The following MIER3 variants were observed in gnomAD, a reference collection of about 807,000 sequenced individuals.
MIER3 encodes the protein mesoderm induction early response protein 3.
MIER3 carries 9 observed loss-of-function variants against 63.2 expected under a neutral mutation model. The ratio of observed to expected loss-of-function variants is 0.14; its 90% CI spans 0.09 to 0.25. The LOEUF (loss-of-function observed/expected upper bound fraction) is 0.25, where lower values mean the gene tolerates loss of function less well. Among genes scored for constraint, MIER3 ranks in the 10% least tolerant of loss-of-function variants. The pLI is 1.00. For synonymous variants in MIER3, 205 were observed against 224.9 expected, an observed-to-expected ratio of 0.91 and a Z score of 0.79; for missense variants, 512 against 666.2, an observed-to-expected ratio of 0.77 and a Z score of 2.55.
rs532995455 is a variant in MIER3, at chr5:56,920,923, T to C, written c.*2205A>G. 1 of 152,558 alleles carries C rather than the reference T, an allele frequency of 6.6e-6. No homozygotes were observed. Among genetic ancestry groups the C allele is most frequent in the Non-Finnish European group, 1.5e-5 (1 of 67,964 alleles). 9.5% of individuals were successfully genotyped at this position (152,558 alleles called of 1,614,324 possible). On this transcript the variant is annotated 3_prime_UTR_variant, in exon 13 of 13. Coordinates refer to ENST00000381199, the MANE Select transcript of MIER3 (RefSeq NM_001297599.2). ...CTAAAATCAGATTGACATTTAAAAA[T>C]CTATTAAACTAGCTGGAATTTATTT...
intron 1 of MIER3, among the ~76,000 whole-genome samples, chr5:56,950,997 G>C (rs1031092388): frequency 1.4e-4 from 22 of 152,048 alleles, no homozygotes; most frequent in Non-Finnish European, 5.9e-5. Context: ...GGCATCTCCG[G>C]AGTCCTCCAA....
Position 56,923,353 on chromosome 5 carries a change from C to T in MIER3, c.1428G>A (p.Glu476=), listed in dbSNP as rs1237029979. The change falls in exon 13 of 13, where the codon GAG becomes GAA. Residue 476 remains glutamate (E), a synonymous_variant. Transcript: ENST00000381199. ...CCATTTTCAATCTTTTTGCTGGTCT[C>T]TCTGACTCTTCACTGCACATGTTCA... ...NPMNMCSEES[E]RPAKRLKMGI... 20 of 1,614,164 alleles carry T rather than the reference C, an allele frequency of 1.2e-5. No homozygotes were observed. Among genetic ancestry groups the T allele is most frequent in the Non-Finnish European group, 1.6e-5 (19 of 1,180,028 alleles).
At chr5:56,945,151 TAGAAATAAG>T (rs1750785468) in intron 3 of MIER3, among the ~76,000 whole-genome samples, 1 of 152,210 alleles carries the variant, frequency 6.6e-6, no homozygotes, top group African/African-American at 2.4e-5. Flanking sequence ...TTAATAAAAG[TAGAAATAAG>T]AACTCTTTAA....
upstream of MIER3, chr5:56,952,136 GC>G: frequency 1.6e-6 from 2 of 1,232,088 alleles, no homozygotes; most frequent in Non-Finnish European, 1.0e-6. Context: ...GCAGCGCCGA[GC>G]CCAGTCCCCG....
intron 4 of MIER3, chr5:56,938,682 A>G (rs1279965158): frequency 5.1e-6 from 3 of 582,966 alleles, no homozygotes; most frequent in Middle Eastern, 4.7e-4. Context: ...TCAGGCATGC[A>G]AAGTACCATG....
chr5:56,939,064 C>G (rs1481465743), intron 3 of MIER3, 47 bp from the exon 4 acceptor site: 4 of 1,601,398 alleles, frequency 2.5e-6, no homozygotes, highest in Non-Finnish European at 3.4e-6. Context: ...TGTCACAATA[C>G]TGAACTGCAG....
chr5:56,925,501 A>T (rs702679), intron 10 of MIER3: 1 of 255,546 alleles, frequency 3.9e-6, no homozygotes, highest in Non-Finnish European at 7.8e-6. Flanking sequence ...ACACAAGACC[A>T]TTTACATTAG....
At chr5:56,948,686 C>A (rs1435359987) in intron 2 of MIER3, among the ~76,000 whole-genome samples, 1 of 152,046 alleles carries the variant, frequency 6.6e-6, no homozygotes, top group East Asian at 1.9e-4. Context: ...AAAAAAACAA[C>A]AAAAAAGAAA....
chr5:56,928,955 ACTCTCTCT>A (rs150635397), intron 9 of MIER3, 94 bp from the exon 10 acceptor site: 4 of 578,904 alleles, frequency 6.9e-6, no homozygotes, highest in African/African-American at 3.8e-5. Flanking sequence ...AAGGTCACAA[ACTCTCTCT>A]CTCTCTCACA....
At chr5:56,945,498 T>C (rs1750797258) in intron 3 of MIER3, among the ~76,000 whole-genome samples, 1 of 152,204 alleles carries the variant, frequency 6.6e-6, no homozygotes, top group African/African-American at 2.4e-5. Flanking sequence ...TCTAGGTCTA[T>C]TAAAAGCTCT....
At position 56,923,981 on chromosome 5, in the gene MIER3, C is replaced by T; in HGVS notation, c.986G>A (p.Arg329His). 1.2e-6 allele frequency: 2 copies of T among 1,614,026 alleles called. No individual in the cohort carries two copies. The highest frequency in any genetic ancestry group is 1.7e-6 in the Non-Finnish European group (2 of 1,179,970). ...TGTCTGTTGAGCAAAGTAATCATAACGTTCAGATTTCTTCCACATATAGTA... is the reference window on the plus strand; with the variant it reads ...TGTCTGTTGAGCAAAGTAATCATAATGTTCAGATTTCTTCCACATATAGTA... ...AFYYMWKKSE[R>H]YDYFAQQTRF... The change falls in exon 11 of 13, where the codon CGT becomes CAT. Residue 329 changes from arginine (R) to histidine (H), a missense_variant. Physicochemically the swap from Arg to His is conservative, Grantham distance 29. This residue lies in a region of MIER3 where 34 missense variants were observed against 86.3 expected (regional missense o/e 0.39). Coordinates refer to ENST00000381199, the MANE Select transcript of MIER3 (RefSeq NM_001297599.2).
chr5:56,952,031 G>T (rs1218319898), intron 1 of MIER3, 63 bp downstream of exon 1: 2 of 1,246,242 alleles, frequency 1.6e-6, no homozygotes, highest in African/African-American at 1.6e-5. Context: ...TGGCTCGGGG[G>T]TCGCGGGGAG....
At chr5:56,947,632 G>GT (rs1227887969) in intron 2 of MIER3, among the ~76,000 whole-genome samples, 2 of 152,126 alleles carry the variant, frequency 1.3e-5, no homozygotes, top group African/African-American at 2.4e-5. Context: ...TAAAAGCATT[G>GT]TATCACTTTA....
At chr5:56,924,076 A>G (rs1230084506) in intron 10 of MIER3, 34 bp from the exon 11 acceptor site, 1 of 1,587,828 alleles carries the variant, frequency 6.3e-7, no homozygotes, top group Non-Finnish European at 8.5e-7. Flanking sequence ...AAAAACCAAC[A>G]AACTCAACCA....
intron 10 of MIER3, among the ~76,000 whole-genome samples, chr5:56,924,265 A>C (rs1749847332): frequency 6.6e-6 from 1 of 151,962 alleles, no homozygotes; most frequent in Non-Finnish European, 1.5e-5. Flanking sequence ...TTTTTTTTTA[A>C]AAAAATCAGA....
intron 10 of MIER3, among the ~76,000 whole-genome samples, chr5:56,925,848 A>G (rs1749947605): frequency 6.6e-6 from 1 of 152,106 alleles, no homozygotes; most frequent in Non-Finnish European, 1.5e-5. Flanking sequence ...AAGATTTACT[A>G]TAAAGCTATA....
chr5:56,939,223 CAATT>C (rs1343605723), intron 3 of MIER3, among the ~76,000 whole-genome samples: 3 of 152,216 alleles, frequency 2.0e-5, no homozygotes, highest in Non-Finnish European at 2.9e-5. Context: ...AACAGCCTAA[CAATT>C]AACACCTTAG....
chr5:56,930,587 T>C, intron 9 of MIER3, 77 bp downstream of exon 9: 1 of 1,207,850 alleles, frequency 8.3e-7, no homozygotes. Context: ...GCTCTGTCCC[T>C]TAGGATACTT....
At chr5:56,927,585 G>C (rs1750054753) in intron 10 of MIER3, among the ~76,000 whole-genome samples, 1 of 152,152 alleles carries the variant, frequency 6.6e-6, no homozygotes, top group Non-Finnish European at 1.5e-5. Context: ...TAGTTTTTAA[G>C]AGTAGTTTGA....
Sources: allele counts gnomAD v4.1 joint callset (sites outside exome capture counted in the v4.1 genomes callset), GRCh38; gene constraint gnomAD v4.1.1; regional missense constraint gnomAD v4.1.1; transcripts MANE v1.5; gene names NCBI Gene and HGNC (gene_info 2026-07-23, HGNC 2026-07-21).